TPPP: variants seen among roughly 807,000 people sequenced by gnomAD.
TPPP encodes tubulin polymerization promoting protein.
TPPP carries 6 observed loss-of-function variants against 15.5 expected under a neutral mutation model. The observed-to-expected ratio is 0.39, with a 90% CI of 0.21 to 0.77. TPPP has a LOEUF of 0.77. Ranked by LOEUF, TPPP falls within the 30% of genes least tolerant of loss-of-function variation. The pLI is 0.42. For missense variants in TPPP, 269 were observed against 307.2 expected, an observed-to-expected ratio of 0.88 and a Z score of 0.93; for synonymous variants, 146 against 133.9, an observed-to-expected ratio of 1.09 and a Z score of -0.63.
intron 2 of TPPP, among the ~76,000 whole-genome samples, chr5:675,468 G>GTTGCA (rs1740393531): frequency 7.7e-6 from 1 of 130,314 alleles, no homozygotes; most frequent in Non-Finnish European, 1.8e-5. Flanking sequence ...CAGCACAGGG[G>GTTGCA]GTGCAGTGTG....
intron 1 of TPPP, among the ~76,000 whole-genome samples, chr5:684,811 C>T (rs540839543): frequency 2.4e-4 from 37 of 152,328 alleles, no homozygotes; most frequent in Non-Finnish European, 4.9e-4. Context: ...AACCGCCCCA[C>T]TCTTCTCAGC....
At chr5:676,023 A>T (rs944293211) in intron 2 of TPPP, 3 of 67,722 alleles carry the variant, frequency 4.4e-5, no homozygotes, top group Non-Finnish European at 5.2e-5. Flanking sequence ...CTTCTCTGGG[A>T]CTGAGGCTGG....
At position 676,826 on chromosome 5, in the gene TPPP, GCGCACACGTGCACACACGACA is replaced by G. The variant is rs1260485554; in HGVS notation, c.311+903_311+923del. Among the ~76,000 whole-genome samples the G allele has an allele frequency of 1.2e-4, 12 of 100,370 alleles. No individual in the cohort carries two copies. The African/African-American group carries it at 1.7e-3, about 14-fold the overall frequency. 65.8% of individuals were successfully genotyped at this position (100,370 alleles called of 152,430 possible). On this transcript the variant is annotated intron_variant, in intron 2 of 3. Transcript: ENST00000360578. ...CACATGCAGAAACACATGCACACAT[GCGCACACGTGCACACACGACA>G]CAGAAACGCGCACACACGACGCAGA...
At position 684,513 on chromosome 5, in the gene TPPP, C is replaced by G. The variant is rs1031118118; in HGVS notation, c.-4-6449G>C. ...CGACCCGAAGCCCCAGAAGCAAAAG[C>G]CACTCTCACAGCGGAAGGAGTGGAC... On this transcript the variant is annotated intron_variant, in intron 1 of 3. Coordinates refer to ENST00000360578, the MANE Select transcript of TPPP (RefSeq NM_007030.3). Among the ~76,000 whole-genome samples the G allele has an allele frequency of 6.6e-5, 10 of 152,170 alleles. No homozygotes were observed. The East Asian group carries it at 1.7e-3, about 27-fold the overall frequency.
chr5:682,755 G>A (rs1188360271), intron 1 of TPPP, among the ~76,000 whole-genome samples: 5 of 152,316 alleles, frequency 3.3e-5, no homozygotes, highest in Admixed American at 6.5e-5. Flanking sequence ...ACGCCCACGC[G>A]GGGGTGGCGC....
At chr5:677,647 C>T (rs1740493639) in intron 2 of TPPP, 103 bp downstream of exon 2, 5 of 1,126,058 alleles carry the variant, frequency 4.4e-6, no homozygotes, top group Non-Finnish European at 4.9e-6. Context: ...AGCACAACCC[C>T]CTCCACTCCC....
chr5:692,512 T>C (rs1554024052), intron 1 of TPPP: 1 of 758,254 alleles, frequency 1.3e-6, no homozygotes, highest in Admixed American at 1.3e-4. Flanking sequence ...CCCAAAACCC[T>C]TATCAAAACA....
rs1251042546 is a variant in TPPP at position 679,177 on chromosome 5, T to C, written c.-4-1113A>G. On this transcript the variant is annotated intron_variant, in intron 1 of 3. Coordinates refer to ENST00000360578, the MANE Select transcript of TPPP (RefSeq NM_007030.3). ...GCGCCAGTCATGGCCAAAGTGTGGC[T>C]CTGTAATCGTGGGGTCCTGAGTGTG... 1.1e-4 allele frequency among the ~76,000 whole-genome samples: 16 copies of C among 152,210 alleles called. No homozygotes were observed. In the East Asian group the frequency reaches 3.1e-3, roughly 29 times the overall value.
chr5:697,409 A>G (rs1322841460), upstream of TPPP, among the ~76,000 whole-genome samples: 4 of 151,310 alleles, frequency 2.6e-5, no homozygotes, highest in African/African-American at 7.3e-5. Flanking sequence ...GCAACAGGAC[A>G]GCGTGCTGGG....
chr5:670,632 C>T (rs994399105), intron 2 of TPPP, among the ~76,000 whole-genome samples: 3 of 152,102 alleles, frequency 2.0e-5, no homozygotes, highest in Non-Finnish European at 4.4e-5. Flanking sequence ...TGTCTGGCAT[C>T]GCCATCCTGC....
chr5:677,797 G>C lies in TPPP; in HGVS notation c.264C>G (p.Gly88=), dbSNP rs774409762. 2 of 1,600,248 alleles carry C rather than the reference G, an allele frequency of 1.2e-6. No homozygotes were observed. The highest frequency in any genetic ancestry group is 1.7e-6 in the Non-Finnish European group (2 of 1,171,290). ...KLCKDCQVID[G]RNVTVTDVDI... is the part of the protein sequence containing the mutation. The stretch of plus-strand genomic sequence containing the variant: ...CCACGTCAGTGACGGTCACGTTCCT[G>C]CCGTCGATCACCTGGCAGTCCTTGC... Residue 88 remains glycine, a synonymous_variant, in exon 2 of 4, where the codon GGC becomes GGG. Coordinates refer to ENST00000360578, the MANE Select transcript of TPPP (RefSeq NM_007030.3).
chr5:680,281 A>T (rs1356875927), intron 1 of TPPP, among the ~76,000 whole-genome samples: 1 of 114,456 alleles, frequency 8.7e-6, no homozygotes, highest in Admixed American at 8.5e-5. Flanking sequence ...AACAGGGGTC[A>T]GGCCATCGCC....
At chr5:693,192 G>GT (rs1458539659) in intron 1 of TPPP, 86 bp downstream of exon 1, 1 of 136,588 alleles carries the variant, frequency 7.3e-6, no homozygotes, top group Non-Finnish European at 1.6e-5. Flanking sequence ...TGCGGCGCAG[G>GT]TGGCTGCTGG....
chr5:670,591 A>G (rs3792723), intron 2 of TPPP, among the ~76,000 whole-genome samples: 38,791 of 151,926 alleles, frequency 0.26, 5,297 homozygotes, highest in South Asian at 0.4. Flanking sequence ...GGAGGTTCCT[A>G]CCTGGTAGGG....
chr5:668,361 A>G (rs1740032475), intron 2 of TPPP, among the ~76,000 whole-genome samples: 1 of 112,156 alleles, frequency 8.9e-6, no homozygotes, highest in Non-Finnish European at 1.8e-5. Context: ...GGACAAGCAC[A>G]CTGGAGAGGG....
intron 2 of TPPP, among the ~76,000 whole-genome samples, chr5:666,630 G>T (rs1023937783): frequency 6.6e-6 from 1 of 152,204 alleles, no homozygotes; most frequent in Non-Finnish European, 1.5e-5. Context: ...TCCAAAACCC[G>T]CCAGGCGGCC....
intron 2 of TPPP, among the ~76,000 whole-genome samples, chr5:676,792 A>G (rs1740449543): frequency 6.6e-6 from 1 of 151,754 alleles, no homozygotes; most frequent in Non-Finnish European, 1.5e-5. Flanking sequence ...TGACACAGAA[A>G]CGCACGTGCA....
At chr5:683,176 C>A (rs60304829) in intron 1 of TPPP, among the ~76,000 whole-genome samples, 2,555 of 152,324 alleles carry the variant, frequency 0.017, 60 homozygotes, top group African/African-American at 0.058. Flanking sequence ...GGTAGGACAG[C>A]TGCTTGTGCC....
rs1353469339 is a variant in TPPP at position 663,116 on chromosome 5, T to A, written c.*1986A>T. 2.1e-5 allele frequency: 3 copies of A among 140,086 alleles called. No individual in the cohort carries two copies. 8.7% of individuals were successfully genotyped at this position (140,086 alleles called of 1,614,324 possible). The stretch of plus-strand genomic sequence containing the variant: ...TGGGCGATTCCGGTGGCCGCTCGTC[T>A]GTGATCGGGCGATTCCGGTGACCGC... On this transcript the variant is annotated 3_prime_UTR_variant, in exon 4 of 4. Transcript: ENST00000360578.
Sources: gnomAD v4.1 joint callset for allele counts (sites outside exome capture counted in the v4.1 genomes callset) on GRCh38, gnomAD v4.1.1 for gene constraint, MANE v1.5 for transcripts, NCBI Gene and HGNC (gene_info 2026-07-23, HGNC 2026-07-21) for gene names.